XRCC1: variants seen among roughly 807,000 people sequenced by gnomAD.
XRCC1 encodes X-ray repair cross complementing 1.
XRCC1 carries 52 observed loss-of-function variants against 83.3 expected under a neutral mutation model. The ratio of observed to expected loss-of-function variants is 0.62; its 90% CI spans 0.50 to 0.79. The LOEUF (loss-of-function observed/expected upper bound fraction) is 0.79, where lower values mean the gene tolerates loss of function less well. Among genes scored for constraint, XRCC1 ranks in the 30% least tolerant of loss-of-function variants. The probability of loss-of-function intolerance (pLI) is 0.00; values close to 1 mark genes in which losing one functional copy is unlikely to be tolerated. For missense variants in XRCC1, 793 were observed against 823.5 expected (o/e 0.96, Z 0.45); for synonymous variants, 281 against 312.6 (o/e 0.90, Z 1.07).
At position 43,543,341 on chromosome 19, in the gene XRCC1, CGTGTGT is replaced by C. The variant is rs45592142; in HGVS notation, c.*45_*50del. On this transcript the variant is annotated 3_prime_UTR_variant, in exon 17 of 17. Coordinates refer to ENST00000262887, the MANE Select transcript of XRCC1 (RefSeq NM_006297.3). ...ACCAACTCATCTTTATTAAATGCAT[CGTGTGT>C]GTGTGTGTGTGTGTGTGTGTGTGTG... 0.021 allele frequency: 22,036 copies of C among 1,037,464 alleles called. 13 individuals carry two copies. Among genetic ancestry groups the C allele is most frequent in the South Asian group, 0.026 (1,962 of 74,084 alleles). 64.3% of individuals were successfully genotyped at this position (1,037,464 alleles called of 1,614,324 possible).
At chr19:43,544,806 C>T (rs1369444884) in intron 14 of XRCC1, among the ~76,000 whole-genome samples, 2 of 151,270 alleles carry the variant, frequency 1.3e-5, no homozygotes, top group South Asian at 2.1e-4. Flanking sequence ...CCACCACGCT[C>T]GGCTAATTTT....
At chr19:43,574,513 G>A (rs1972834967) in intron 2 of XRCC1, 1 of 182,464 alleles carries the variant, frequency 5.5e-6, no homozygotes, top group Non-Finnish European at 1.2e-5. Flanking sequence ...TTACAGGCAT[G>A]AGCCACGGCA....
intron 2 of XRCC1, among the ~76,000 whole-genome samples, chr19:43,574,327 C>T (rs771715409): frequency 5.9e-5 from 9 of 152,164 alleles, no homozygotes; most frequent in Non-Finnish European, 1.2e-4. Context: ...ACTCCAGCTT[C>T]GGCCTCCCAA....
In XRCC1 at chr19:43,573,908, C is replaced by A. The variant is rs1315514208; in HGVS notation, c.144+1002G>T. Reference sequence around the variant, plus strand: ...GATAAATAAAAGATTGACTGTCAGGCAAATTGTATAACTTCTTTGGGCCTC... The same window carrying A: ...GATAAATAAAAGATTGACTGTCAGGAAAATTGTATAACTTCTTTGGGCCTC... On this transcript the variant is annotated intron_variant, in intron 2 of 16. Coordinates refer to ENST00000262887, the MANE Select transcript of XRCC1 (RefSeq NM_006297.3). Among the ~76,000 whole-genome samples the A allele has an allele frequency of 2.0e-5, 3 of 151,966 alleles. No individual in the cohort carries two copies. The East Asian group carries it at 5.8e-4, about 29-fold the overall frequency.
chr19:43,558,023 T>C (rs1237336389), intron 3 of XRCC1, among the ~76,000 whole-genome samples: 1 of 152,192 alleles, frequency 6.6e-6, no homozygotes, highest in African/African-American at 2.4e-5. Flanking sequence ...ATGTGTAATA[T>C]ACAGTTTATT....
At chr19:43,548,771 A>AAAAAAAAAAAAC (rs904190404) in intron 10 of XRCC1, among the ~76,000 whole-genome samples, 16 of 120,354 alleles carry the variant, frequency 1.3e-4, no homozygotes, top group African/African-American at 5.6e-4. Flanking sequence ...ATGATCAAAA[A>AAAAAAAAAAAAC]AAAAAAAAAA....
At chr19:43,571,151 A>G (rs1972803616) in intron 2 of XRCC1, among the ~76,000 whole-genome samples, 1 of 152,068 alleles carries the variant, frequency 6.6e-6, no homozygotes, top group South Asian at 2.1e-4. Context: ...ATGGCTTTCC[A>G]GGCCTTAAGT....
chr19:43,544,539 C>T (rs1972489667), intron 14 of XRCC1, among the ~76,000 whole-genome samples: 1 of 151,844 alleles, frequency 6.6e-6, no homozygotes, highest in African/African-American at 2.4e-5. Flanking sequence ...CAAGGACTCA[C>T]TCTGTCGCCC....
rs755014581 is a variant in XRCC1 at position 43,545,959 on chromosome 19, TG to T, written c.1482-3del. The T allele has an allele frequency of 3.1e-6, 5 of 1,613,788 alleles. No homozygotes were observed. The South Asian group carries it at 5.5e-5, about 18-fold the overall frequency. ...CTGTGTTCCTTCTGCTCTGCCACCC[TG>T]GGGGTGCCAAGAGGAGTAGAGAGTG... On this transcript the variant is annotated splice_region_variant and splice_polypyrimidine_tract_variant and intron_variant, in intron 13 of 16. Coordinates refer to ENST00000262887, the MANE Select transcript of XRCC1 (RefSeq NM_006297.3).
chr19:43,552,186 C>T lies in XRCC1; in HGVS notation c.913G>A (p.Glu305Lys), dbSNP rs929967168. The change falls in exon 9 of 17, where the codon GAG becomes AAG. Residue 305 changes from glutamate to lysine, a missense_variant. Transcript: ENST00000262887. ...VTGKPRGEGT[E>K]PRRPRAGPEE... ...GGGCCAGCTCGGGGTCGTCTGGGCT[C>T]GGTGCCTTCTCCTCGGGGTTTGCCT... 21 of 1,614,044 alleles carry T rather than the reference C, an allele frequency of 1.3e-5. No individual in the cohort carries two copies. The highest frequency in any genetic ancestry group is 5.0e-5 in the Admixed American group (3 of 60,012).
intron 10 of XRCC1, among the ~76,000 whole-genome samples, chr19:43,551,338 C>T (rs1972572219): frequency 6.6e-6 from 1 of 152,206 alleles, no homozygotes. Flanking sequence ...CAAACTGCTC[C>T]TCCAGCCTTT....
At position 43,549,780 on chromosome 19, in the gene XRCC1, A is replaced by AT. The variant is rs112940646; in HGVS notation, c.1199+1790dup. On this transcript the variant is annotated intron_variant, in intron 10 of 16. Coordinates refer to ENST00000262887, the MANE Select transcript of XRCC1 (RefSeq NM_006297.3). ...ACCACGTTGCCTGCATCATATAGTT[A>AT]TTTTTTTTTAGTTTATAAATGAGTA... Among the ~76,000 whole-genome samples, 1,303 of 151,346 alleles carry AT rather than the reference A, an allele frequency of 8.6e-3. 18 individuals carry two copies. The highest frequency in any genetic ancestry group is 0.029 in the African/African-American group (1,180 of 41,256).
rs762791182 is a variant in XRCC1, at chr19:43,551,556, C to T, written c.1199+15G>A. On this transcript the variant is annotated intron_variant, in intron 10 of 16. Transcript: ENST00000262887. Reference sequence around the variant, plus strand: ...AGCACAGGATAAGGAGCAGGGTTGGCGTGTGAGGCCTTACCTCTGGGAGGG... The same window carrying T: ...AGCACAGGATAAGGAGCAGGGTTGGTGTGTGAGGCCTTACCTCTGGGAGGG... The T allele has an allele frequency of 1.6e-5, 26 of 1,602,822 alleles. No homozygotes were observed. The South Asian group carries it at 2.3e-4, about 14-fold the overall frequency.
rs2307170 is a variant in XRCC1 at position 43,553,432 on chromosome 19, G to C, written c.570C>G (p.Leu190=). The C allele has an allele frequency of 6.3e-3, 10,210 of 1,614,164 alleles. 53 individuals carry two copies. The highest frequency in any genetic ancestry group is 7.8e-3 in the Non-Finnish European group (9,261 of 1,180,016). ...ATGTCTTGTTGATCCGGCTGAAGAA[G>C]AGAGCCCCCGGCCTCAGAGAGTTGG... ...ESANSLRPGA[L]FFSRINKTSP... is the part of the protein sequence containing the mutation. The change falls in exon 6 of 17, where the codon CTC becomes CTG. Residue 190 remains leucine, a synonymous_variant. Coordinates refer to ENST00000262887, the MANE Select transcript of XRCC1 (RefSeq NM_006297.3).
At chr19:43,572,634 G>A (rs2146074010) in intron 2 of XRCC1, among the ~76,000 whole-genome samples, 1 of 152,288 alleles carries the variant, frequency 6.6e-6, no homozygotes. Context: ...GAGGTCAGGA[G>A]TTCAAGACCA....
At chr19:43,570,996 C>T (rs1299272405) in intron 2 of XRCC1, among the ~76,000 whole-genome samples, 3 of 152,226 alleles carry the variant, frequency 2.0e-5, no homozygotes, top group Non-Finnish European at 4.4e-5. Flanking sequence ...TGATCTCCCA[C>T]TCCTGTGTGT....
At chr19:43,560,020 G>A (rs918056561) in intron 3 of XRCC1, among the ~76,000 whole-genome samples, 2 of 152,016 alleles carry the variant, frequency 1.3e-5, no homozygotes, top group African/African-American at 4.8e-5. Flanking sequence ...GGCAGAAGTT[G>A]CAGTGAGCTG....
intron 2 of XRCC1, among the ~76,000 whole-genome samples, chr19:43,565,585 C>T (rs1229911164): frequency 6.6e-6 from 1 of 152,190 alleles, no homozygotes. Context: ...ATTCCTACTG[C>T]ATATATAACT....
intron 10 of XRCC1, among the ~76,000 whole-genome samples, chr19:43,548,418 T>C (rs1333267617): frequency 6.6e-6 from 1 of 152,246 alleles, no homozygotes; most frequent in African/African-American, 2.4e-5. Flanking sequence ...CTTCATTTTG[T>C]TCTGTACTAA....
Sources: gnomAD v4.1 joint callset for allele counts (sites outside exome capture counted in the v4.1 genomes callset) on GRCh38, gnomAD v4.1.1 for gene constraint, MANE v1.5 for transcripts, NCBI Gene and HGNC (gene_info 2026-07-23, HGNC 2026-07-21) for gene names.